The following FANCB variants were observed in gnomAD, a reference collection of about 807,000 sequenced individuals.
FANCB encodes FA complementation group B.
A neutral mutation model predicts 38.9 loss-of-function variants in FANCB; 5 were observed. The ratio of observed to expected loss-of-function variants is 0.13; its 90% CI spans 0.07 to 0.27. The LOEUF (loss-of-function observed/expected upper bound fraction) is 0.27. FANCB is among the 10% of genes least tolerant of loss of function. FANCB has a pLI of 1.00. For missense variants in FANCB, 573 were observed against 602.7 expected, an observed-to-expected ratio of 0.95 and a Z score of 0.52; for synonymous variants, 236 against 215.4, an observed-to-expected ratio of 1.10 and a Z score of -0.84.
the FANCB span, among the ~76,000 whole-genome samples, chrX:14,743,341 A>G: frequency 9.0e-6 from 1 of 111,689 alleles, no homozygotes; most frequent in African/African-American, 3.3e-5. Flanking sequence ...TCCATGGATG[A>G]GAAAACTGGG....
the FANCB span, among the ~76,000 whole-genome samples, chrX:14,781,112 T>C: frequency 9.1e-6 from 1 of 110,420 alleles, no homozygotes; most frequent in Admixed American, 9.6e-5. Flanking sequence ...TCTATCCCAC[T>C]AGAGACTCTC....
At chrX:14,740,081 C>CA in the FANCB span, among the ~76,000 whole-genome samples, 44 of 111,425 alleles carry the variant, frequency 3.9e-4, no homozygotes, top group South Asian at 0.016. Flanking sequence ...TCCAGGTCCT[C>CA]AAAAATGATG....
At chrX:14,698,053 A>T in the FANCB span, among the ~76,000 whole-genome samples, 1 of 111,818 alleles carries the variant, frequency 8.9e-6, no homozygotes, top group Non-Finnish European at 1.9e-5. Context: ...CAATTTACAG[A>T]TGAGGAAACT....
the FANCB span, among the ~76,000 whole-genome samples, chrX:14,812,833 G>C: frequency 1.8e-5 from 2 of 110,959 alleles, no homozygotes. Context: ...GCATCATCCT[G>C]ATACCAAAGC....
the FANCB span, among the ~76,000 whole-genome samples, chrX:14,809,423 G>A: frequency 1.8e-5 from 2 of 111,890 alleles, no homozygotes; most frequent in African/African-American, 3.2e-5. Context: ...TTCCCTTTCC[G>A]AGTCAAAGAA....
chrX:14,757,904 G>T, the FANCB span, among the ~76,000 whole-genome samples: 1 of 111,657 alleles, frequency 9.0e-6, no homozygotes, highest in Non-Finnish European at 1.9e-5. Context: ...CAGACGGAGA[G>T]GCATGAAACC....
At chrX:14,823,313 A>T in the FANCB span, among the ~76,000 whole-genome samples, 1,362 of 109,496 alleles carry the variant, frequency 0.012, 6 homozygotes, top group Non-Finnish European at 0.02. Context: ...CAATCCCTTG[A>T]CCTCGTGATC....
chrX:14,815,072 A>G, the FANCB span, among the ~76,000 whole-genome samples: 5 of 111,608 alleles, frequency 4.5e-5, no homozygotes, highest in African/African-American at 6.5e-5. Context: ...TCACAAGGAC[A>G]GAAAACCAAA....
At chrX:14,691,657 G>C in the FANCB span, among the ~76,000 whole-genome samples, 1 of 111,708 alleles carries the variant, frequency 9.0e-6, no homozygotes, top group East Asian at 2.8e-4. Flanking sequence ...ACCAGCCTCT[G>C]TATTTCTGCA....
At chrX:14,803,926 A>G in the FANCB span, among the ~76,000 whole-genome samples, 492 of 111,743 alleles carry the variant, frequency 4.4e-3, 25 homozygotes, top group East Asian at 0.099. Context: ...AATCAAAACC[A>G]CAATGAGATA....
chrX:14,774,538 A>C, the FANCB span, among the ~76,000 whole-genome samples: 1 of 112,209 alleles, frequency 8.9e-6, no homozygotes, highest in African/African-American at 3.2e-5. Flanking sequence ...CACAGTGTGC[A>C]CCAACATCAA....
chrX:14,733,658 C>T, the FANCB span, among the ~76,000 whole-genome samples: 1 of 112,059 alleles, frequency 8.9e-6, no homozygotes, highest in South Asian at 3.7e-4. Flanking sequence ...CATCATTTGA[C>T]TCTCTGTTTA....
chrX:14,850,547 T>C lies in FANCB; in HGVS notation c.1454A>G (p.Asp485Gly), dbSNP rs2092396700. Residue 485 changes from aspartate (D) to glycine (G), a missense_variant, in exon 7 of 10, where the codon GAT becomes GGT. By Grantham distance (94) the Asp-to-Gly change is moderately conservative (BLOSUM62 -1). Coordinates refer to ENST00000650831, the MANE Select transcript of FANCB (RefSeq NM_001018113.3). ...AGTTTTCACTCCAACAACCAAGCTA[T>C]CATCTATTACACGATACCATATCTT... ...VEKIWYRVID[D>G]SLVVGVKTTS... The C allele has an allele frequency of 8.3e-7, 1 of 1,201,416 alleles. No individual in the cohort carries two copies. The highest frequency in any genetic ancestry group is 1.8e-5 in the African/African-American group (1 of 56,925).
the FANCB span, among the ~76,000 whole-genome samples, chrX:14,692,603 G>A: frequency 2.7e-5 from 3 of 111,768 alleles, no homozygotes; most frequent in African/African-American, 9.8e-5. Context: ...TTCAGATGTT[G>A]ATTTATAAAG....
At chrX:14,730,558 T>TATCA in the FANCB span, 1 of 399,976 alleles carries the variant, frequency 2.5e-6, no homozygotes, top group Non-Finnish European at 3.9e-6. Context: ...ATTGTCTTTA[T>TATCA]ATCACTTTGA....
chrX:14,839,924 C>T (rs1252906388), downstream of FANCB, among the ~76,000 whole-genome samples: 9 of 110,008 alleles, frequency 8.2e-5, no homozygotes, highest in Non-Finnish European at 1.5e-4. Context: ...GGCGCGATCT[C>T]GGCTCACTGC....
At chrX:14,829,915 T>C in the FANCB span, among the ~76,000 whole-genome samples, 2 of 112,488 alleles carry the variant, frequency 1.8e-5, no homozygotes, top group African/African-American at 6.5e-5. Context: ...TGGCTAACTG[T>C]TGCAAGAAGC....
the FANCB span, among the ~76,000 whole-genome samples, chrX:14,807,179 G>A: frequency 5.4e-5 from 6 of 112,029 alleles, no homozygotes; most frequent in South Asian, 2.2e-3. Flanking sequence ...CACAATTCAG[G>A]ACATATTTTA....
At chrX:14,775,500 G>A in the FANCB span, among the ~76,000 whole-genome samples, 1 of 111,436 alleles carries the variant, frequency 9.0e-6, no homozygotes, top group Admixed American at 9.5e-5. Flanking sequence ...AGGCAAGGGT[G>A]CAAGCTGTAG....
Sources: gnomAD v4.1 joint callset for allele counts (sites outside exome capture counted in the v4.1 genomes callset) on GRCh38, gnomAD v4.1.1 for gene constraint, MANE v1.5 for transcripts, NCBI Gene and HGNC (gene_info 2026-07-23, HGNC 2026-07-21) for gene names.